The following SYT1 variants were observed in gnomAD, a reference collection of about 807,000 sequenced individuals.
SYT1 encodes synaptotagmin-1.
Under a neutral mutation model 44.8 loss-of-function variants are expected in SYT1, and 8 were observed. The ratio of observed to expected loss-of-function variants is 0.18; its 90% CI spans 0.10 to 0.32. SYT1 has a LOEUF of 0.32. Among genes scored for constraint, SYT1 ranks in the 10% least tolerant of loss-of-function variants. The pLI, the probability that SYT1 is intolerant of heterozygous loss-of-function variation, is 1.00. For missense variants in SYT1, 286 were observed against 509.3 expected, an observed-to-expected ratio of 0.56 and a Z score of 4.22; for synonymous variants, 154 against 188.8, an observed-to-expected ratio of 0.82 and a Z score of 1.51.
chr12:79,233,288 T>G (rs995302220), intron 4 of SYT1, among the ~76,000 whole-genome samples: 1 of 152,216 alleles, frequency 6.6e-6, no homozygotes, highest in East Asian at 1.9e-4. Context: ...GAAAATAAGA[T>G]TAGTTCATTT....
intron 9 of SYT1, among the ~76,000 whole-genome samples, chr12:79,415,275 G>A (rs1042855443): frequency 6.6e-6 from 1 of 152,066 alleles, no homozygotes; most frequent in East Asian, 1.9e-4. Context: ...TCATACATGT[G>A]CAAGCATAGA....
At chr12:79,331,589 A>G (rs1188481723) in intron 8 of SYT1, among the ~76,000 whole-genome samples, 1 of 152,136 alleles carries the variant, frequency 6.6e-6, no homozygotes, top group Non-Finnish European at 1.5e-5. Context: ...TTTTAAAGCA[A>G]TAGAAATAAT....
At chr12:79,071,681 C>T (rs745785391) in intron 3 of SYT1, among the ~76,000 whole-genome samples, 5 of 152,162 alleles carry the variant, frequency 3.3e-5, no homozygotes, top group Admixed American at 6.6e-5. Context: ...CTTCCAGCTT[C>T]TGGTAGCCCC....
intron 4 of SYT1, among the ~76,000 whole-genome samples, chr12:79,235,175 C>G (rs1876114712): frequency 6.6e-6 from 1 of 152,148 alleles, no homozygotes; most frequent in Admixed American, 6.5e-5. Context: ...AAAAGAACTG[C>G]CAATCTGTTT....
chr12:79,224,428 C>T (rs775001337), intron 4 of SYT1, among the ~76,000 whole-genome samples: 4 of 151,974 alleles, frequency 2.6e-5, no homozygotes, highest in Non-Finnish European at 5.9e-5. Context: ...TGGGGATGAC[C>T]AGGGCTGGTT....
intron 4 of SYT1, among the ~76,000 whole-genome samples, chr12:79,284,189 C>T (rs931064326): frequency 6.6e-6 from 1 of 151,982 alleles, no homozygotes; most frequent in Non-Finnish European, 1.5e-5. Context: ...TCCAATCTAA[C>T]TGAAATCATA....
At chr12:79,219,996 G>A (rs945008090) in intron 4 of SYT1, among the ~76,000 whole-genome samples, 2 of 152,010 alleles carry the variant, frequency 1.3e-5, no homozygotes, top group Non-Finnish European at 2.9e-5. Context: ...AAGAGTTTGA[G>A]AAGAAACGGT....
At chr12:79,317,416 A>C (rs1592960643) in intron 8 of SYT1, among the ~76,000 whole-genome samples, 1 of 152,298 alleles carries the variant, frequency 6.6e-6, no homozygotes, top group East Asian at 1.9e-4. Context: ...CATTAATCAT[A>C]TGCAATTATT....
chr12:78,877,126 A>G (rs558408366), intron 1 of SYT1, among the ~76,000 whole-genome samples: 3 of 150,532 alleles, frequency 2.0e-5, no homozygotes, highest in African/African-American at 7.3e-5. Flanking sequence ...TAATAAAGAC[A>G]TACCCGAGAC....
intron 10 of SYT1, among the ~76,000 whole-genome samples, chr12:79,444,807 G>A (rs1181696480): frequency 1.3e-5 from 2 of 151,980 alleles, no homozygotes; most frequent in African/African-American, 4.8e-5. Context: ...TATCCTTGTA[G>A]TTAATATGTT....
At chr12:79,098,052 T>G (rs1251981987) in intron 3 of SYT1, among the ~76,000 whole-genome samples, 2 of 152,118 alleles carry the variant, frequency 1.3e-5, no homozygotes, top group African/African-American at 4.8e-5. Context: ...TGGGCTTATG[T>G]TTTATCTCAG....
intron 1 of SYT1, among the ~76,000 whole-genome samples, chr12:78,927,278 C>A (rs916487383): frequency 3.9e-5 from 6 of 152,040 alleles, no homozygotes; most frequent in Non-Finnish European, 8.8e-5. Flanking sequence ...AGTGAAACTG[C>A]CAAACATCAT....
At chr12:78,932,526 A>G (rs1877812514) in intron 1 of SYT1, among the ~76,000 whole-genome samples, 1 of 152,220 alleles carries the variant, frequency 6.6e-6, no homozygotes, top group South Asian at 2.1e-4. Context: ...TCAGTTTTAA[A>G]TATTTTGATT....
rs1491364410 is a variant in SYT1, at chr12:79,293,406, A to AAAATAAAATAAAATTAAATT, written c.474+1280_474+1281insAAAATAAAATTAAATTAAAT. ...AAAATAAAATAAAATAAAATAAAATAAAATTAAAAAATCTGTAAGACATAG... is the reference window on the plus strand; with the variant it reads ...AAAATAAAATAAAATAAAATAAAATAAAATAAAATAAAATTAAATTAAATTAAAAAATCTGTAAGACATAG... On this transcript the variant is annotated intron_variant, in intron 6 of 10. Transcript: ENST00000261205. Among the ~76,000 whole-genome samples the AAAATAAAATAAAATTAAATT allele has an allele frequency of 6.3e-5, 4 of 63,778 alleles. No individual in the cohort carries two copies. The East Asian group carries it at 2.9e-3, about 46-fold the overall frequency. The allele number at this position is 63,778 out of a possible 152,430, so 41.8% of individuals were successfully genotyped here. A position where few individuals can be genotyped will look rare whatever the true frequency, so the allele number is the denominator to read the frequency against.
intron 3 of SYT1, among the ~76,000 whole-genome samples, chr12:79,150,478 G>T (rs1870202486): frequency 6.6e-6 from 1 of 152,100 alleles, no homozygotes; most frequent in Non-Finnish European, 1.5e-5. Flanking sequence ...TTGGTCAAAG[G>T]ATACAAATTA....
At chr12:78,866,201 T>C (rs1049211186) in intron 1 of SYT1, among the ~76,000 whole-genome samples, 4 of 152,232 alleles carry the variant, frequency 2.6e-5, no homozygotes, top group African/African-American at 9.6e-5. Context: ...TATTCTACCT[T>C]TGTACTATTT....
intron 1 of SYT1, among the ~76,000 whole-genome samples, chr12:78,926,184 T>C (rs548465000): frequency 2.6e-5 from 4 of 152,198 alleles, no homozygotes; most frequent in African/African-American, 9.6e-5. Flanking sequence ...GCTTAACTAA[T>C]TCTGGAAGAT....
At chr12:78,924,557 A>G (rs1293394719) in intron 1 of SYT1, among the ~76,000 whole-genome samples, 1 of 150,182 alleles carries the variant, frequency 6.7e-6, no homozygotes, top group East Asian at 1.9e-4. Flanking sequence ...ATCCTGGTAG[A>G]CATATATTAT....
intron 10 of SYT1, among the ~76,000 whole-genome samples, chr12:79,447,040 G>A (rs1870774277): frequency 6.6e-6 from 1 of 152,108 alleles, no homozygotes; most frequent in Non-Finnish European, 1.5e-5. Flanking sequence ...TGAAAGTGAA[G>A]CACATTAAAA....
Sources: gnomAD v4.1 joint callset for allele counts (sites outside exome capture counted in the v4.1 genomes callset) on GRCh38, gnomAD v4.1.1 for gene constraint, MANE v1.5 for transcripts, NCBI Gene and HGNC (gene_info 2026-07-23, HGNC 2026-07-21) for gene names.